Variants in CNTN4 observed in about 807,000 individuals in gnomAD.
CNTN4 encodes contactin-4.
A neutral mutation model predicts 122.5 loss-of-function variants in CNTN4; 77 were observed. The observed-to-expected ratio is 0.63, with a 90% confidence interval of 0.52 to 0.76. The LOEUF (loss-of-function observed/expected upper bound fraction) is 0.76, where lower values mean the gene tolerates loss of function less well. Among genes scored for constraint, CNTN4 ranks in the 30% least tolerant of loss-of-function variants. The probability of loss-of-function intolerance (pLI) is 0.00; values close to 1 mark genes in which losing one functional copy is unlikely to be tolerated. For missense variants in CNTN4, 1,256 were observed against 1,259.1 expected (o/e 1.00, Z 0.04); for synonymous variants, 512 against 447.0 (o/e 1.15, Z -1.83).
At chr3:2,665,034 G>T (rs932924319) in intron 4 of CNTN4, among the ~76,000 whole-genome samples, 10 of 152,004 alleles carry the variant, frequency 6.6e-5, no homozygotes, top group Non-Finnish European at 1.2e-4. Context: ...CAAAACAAGG[G>T]CTCTCTCCGG....
chr3:2,831,439 A>G (rs566015833), intron 7 of CNTN4, among the ~76,000 whole-genome samples: 1 of 152,356 alleles, frequency 6.6e-6, no homozygotes, highest in Non-Finnish European at 1.5e-5. Flanking sequence ...TGTCTGCATT[A>G]TGAACTCAAA....
chr3:2,647,631 C>T (rs1260598325), intron 4 of CNTN4, among the ~76,000 whole-genome samples: 2 of 152,054 alleles, frequency 1.3e-5, no homozygotes, highest in Non-Finnish European at 2.9e-5. Flanking sequence ...TATAAATATA[C>T]ACATACAAAT....
intron 6 of CNTN4, among the ~76,000 whole-genome samples, chr3:2,754,575 T>A (rs1286751977): frequency 1.3e-5 from 2 of 151,972 alleles, no homozygotes; most frequent in Non-Finnish European, 2.9e-5. Context: ...TCTGAGCATG[T>A]GTTAAGGGGA....
At chr3:2,753,667 A>G (rs529598135) in intron 6 of CNTN4, among the ~76,000 whole-genome samples, 1 of 152,166 alleles carries the variant, frequency 6.6e-6, no homozygotes, top group Non-Finnish European at 1.5e-5. Context: ...AGTGAAATTT[A>G]TGTTCAATCC....
At chr3:2,564,301 T>G (rs1275895860) in intron 3 of CNTN4, among the ~76,000 whole-genome samples, 1 of 152,170 alleles carries the variant, frequency 6.6e-6, no homozygotes, top group Non-Finnish European at 1.5e-5. Context: ...AATAAGTGAT[T>G]ACTTAGTGAA....
At chr3:3,009,503 A>T (rs530295692) in intron 14 of CNTN4, among the ~76,000 whole-genome samples, 4 of 151,330 alleles carry the variant, frequency 2.6e-5, no homozygotes, top group Admixed American at 6.6e-5. Context: ...GCGCGATCTC[A>T]GCTCACTGCA....
chr3:2,140,521 T>C (rs1254182127), intron 2 of CNTN4, among the ~76,000 whole-genome samples: 1 of 152,176 alleles, frequency 6.6e-6, no homozygotes, highest in East Asian at 1.9e-4. Flanking sequence ...ATGGGCCTTC[T>C]TGCTATGTTC....
At chr3:2,394,426 A>G (rs1050341914) in intron 3 of CNTN4, among the ~76,000 whole-genome samples, 9 of 152,212 alleles carry the variant, frequency 5.9e-5, no homozygotes, top group African/African-American at 2.2e-4. Flanking sequence ...TTAACAGTTA[A>G]TGAAAACTGA....
intron 3 of CNTN4, among the ~76,000 whole-genome samples, chr3:2,378,100 T>G (rs991932545): frequency 1.3e-5 from 2 of 152,222 alleles, no homozygotes; most frequent in African/African-American, 4.8e-5. Flanking sequence ...TTGAGTTCTA[T>G]AAATACCCAT....
chr3:2,577,052 C>T (rs1301989877), intron 4 of CNTN4, among the ~76,000 whole-genome samples: 1 of 152,204 alleles, frequency 6.6e-6, no homozygotes, highest in African/African-American at 2.4e-5. Flanking sequence ...AGTCAATTCT[C>T]AGGCATATTT....
intron 4 of CNTN4, among the ~76,000 whole-genome samples, chr3:2,732,343 A>G (rs1036792618): frequency 1.3e-5 from 2 of 152,170 alleles, no homozygotes; most frequent in African/African-American, 4.8e-5. Flanking sequence ...GGTTTGATAA[A>G]ACAAGCATGG....
At chr3:2,795,644 C>T (rs1238811181) in intron 6 of CNTN4, among the ~76,000 whole-genome samples, 1 of 151,948 alleles carries the variant, frequency 6.6e-6, no homozygotes, top group Non-Finnish European at 1.5e-5. Context: ...CCTCAGCCTC[C>T]TGAGTAGCTG....
chr3:2,503,568 A>G (rs1489486987), intron 3 of CNTN4, among the ~76,000 whole-genome samples: 9 of 152,118 alleles, frequency 5.9e-5, no homozygotes, highest in African/African-American at 2.4e-5. Flanking sequence ...TTGGGCATAG[A>G]GAAGTTAAGT....
At chr3:2,871,026 A>G (rs964298822) in intron 8 of CNTN4, among the ~76,000 whole-genome samples, 5 of 152,080 alleles carry the variant, frequency 3.3e-5, no homozygotes, top group Admixed American at 1.3e-4. Flanking sequence ...AGCTCTTCAC[A>G]TGGCTCACTC....
chr3:2,247,235 A>G lies in CNTN4; in HGVS notation c.-144-91943A>G, dbSNP rs563332972. The stretch of plus-strand genomic sequence containing the variant: ...GCATGCCATCTTTACCAGCTCTGCT[A>G]GAGTGTTGAATGTTCAAAAGAAAAA... On this transcript the variant is annotated intron_variant, in intron 2 of 24. Coordinates refer to ENST00000418658, the MANE Select transcript of CNTN4 (RefSeq NM_175607.3). Among the ~76,000 whole-genome samples the G allele has an allele frequency of 3.9e-5, 6 of 152,108 alleles. No homozygotes were observed. In the East Asian group the frequency reaches 7.7e-4, roughly 20 times the overall value.
At chr3:2,327,572 C>T (rs1176909741) in intron 2 of CNTN4, among the ~76,000 whole-genome samples, 17 of 152,044 alleles carry the variant, frequency 1.1e-4, no homozygotes, top group Admixed American at 9.2e-4. Context: ...TATTTCCTTT[C>T]AAAAATGTGT....
chr3:2,825,814 T>C (rs2092974886), intron 7 of CNTN4, among the ~76,000 whole-genome samples: 2 of 152,142 alleles, frequency 1.3e-5, no homozygotes, highest in South Asian at 4.1e-4. Context: ...TGATTCTGAT[T>C]CTGCGATTAT....
At chr3:2,203,751 A>G (rs928065342) in intron 2 of CNTN4, among the ~76,000 whole-genome samples, 5 of 152,068 alleles carry the variant, frequency 3.3e-5, no homozygotes, top group African/African-American at 1.2e-4. Context: ...TGGCCTTCTG[A>G]CCTCCTTGAA....
At chr3:2,923,638 A>C (rs2151352429) in intron 12 of CNTN4, among the ~76,000 whole-genome samples, 1 of 152,294 alleles carries the variant, frequency 6.6e-6, no homozygotes, top group Non-Finnish European at 1.5e-5. Flanking sequence ...ATCTTTCTGC[A>C]ATTTGCACTT....
Sources: allele counts gnomAD v4.1 joint callset (sites outside exome capture counted in the v4.1 genomes callset), GRCh38; gene constraint gnomAD v4.1.1; transcripts MANE v1.5; gene names NCBI Gene and HGNC (gene_info 2026-07-23, HGNC 2026-07-21).